IFI16: variants seen among roughly 807,000 people sequenced by gnomAD.
IFI16 encodes interferon gamma inducible protein 16, also known as gamma-interferon-inducible protein 16.
Under a neutral mutation model 68.4 loss-of-function variants are expected in IFI16, and 49 were observed. The observed-to-expected ratio is 0.72, with a 90% CI of 0.57 to 0.91. The LOEUF is 0.91. Among genes scored for constraint, IFI16 ranks in the 40% least tolerant of loss-of-function variants. IFI16 has a pLI of 0.00. For missense variants in IFI16, 878 were observed against 942.9 expected (o/e 0.93, Z 0.90); for synonymous variants, 307 against 315.0 (o/e 0.97, Z 0.27).
intron 6 of IFI16, among the ~76,000 whole-genome samples, chr1:159,025,101 C>T (rs1653572729): frequency 6.6e-6 from 1 of 151,772 alleles, no homozygotes; most frequent in South Asian, 2.1e-4. Context: ...ACTTTTAGTT[C>T]TGAGGGAAAA....
Position 159,020,425 on chromosome 1 carries a change from A to G in IFI16, c.1057A>G (p.Asn353Asp). 6.2e-7 allele frequency: 1 copy of G among 1,612,266 alleles called. No homozygotes were observed. ...TGTAGTGGGGACAGGACAATGTCAC[A>G]ATATCCCCTGTGAAGAAGGAGATAA... is the stretch of plus-strand genomic sequence containing the variant. ...MDVVGTGQCH[N>D]IPCEEGDKLQ... The change falls in exon 6 of 12, where the codon AAT becomes GAT. Residue 353 changes from asparagine (N) to aspartate (D), a missense_variant. Coordinates refer to ENST00000295809, the MANE Select transcript of IFI16 (RefSeq NM_001376587.1).
chr1:159,033,379 G>C (rs530486497), intron 7 of IFI16, among the ~76,000 whole-genome samples: 1 of 152,306 alleles, frequency 6.6e-6, no homozygotes, highest in South Asian at 2.1e-4. Flanking sequence ...AACAGGGTCA[G>C]CATAGCTCAG....
At chr1:159,052,249 C>T in intron 10 of IFI16, 151 bp downstream of exon 10, 3 of 615,854 alleles carry the variant, frequency 4.9e-6, no homozygotes, top group Non-Finnish European at 8.6e-6. Context: ...GAATAGAGTT[C>T]ATTTCAGGAT....
intron 7 of IFI16, among the ~76,000 whole-genome samples, chr1:159,037,225 T>C (rs1407734063): frequency 1.3e-5 from 2 of 152,164 alleles, no homozygotes; most frequent in African/African-American, 4.8e-5. Flanking sequence ...TCTGCAGCCA[T>C]AGGAATCATT....
At chr1:159,036,913 A>T (rs963968935) in intron 7 of IFI16, among the ~76,000 whole-genome samples, 28 of 152,076 alleles carry the variant, frequency 1.8e-4, no homozygotes, top group African/African-American at 6.3e-4. Context: ...AGAGTTCTCA[A>T]TTTTTCATGT....
At chr1:159,033,199 C>A (rs1271418527) in intron 7 of IFI16, among the ~76,000 whole-genome samples, 2 of 152,138 alleles carry the variant, frequency 1.3e-5, no homozygotes, top group Non-Finnish European at 2.9e-5. Flanking sequence ...TAAATGTTTT[C>A]CTCTGGCAAG....
At chr1:159,016,971 A>G (rs1652972783) in intron 4 of IFI16, among the ~76,000 whole-genome samples, 1 of 152,156 alleles carries the variant, frequency 6.6e-6, no homozygotes, top group African/African-American at 2.4e-5. Context: ...CTCACTGTCT[A>G]CTGCTCCCAT....
At position 159,053,715 on chromosome 1, in the gene IFI16, T is replaced by C. The variant is rs779088903; in HGVS notation, c.2268T>C (p.Ser756=). ...NTGELRSVIH[S]HIKVIKTRKN... is the part of the protein sequence containing the mutation. ...GGGAGTTGAGATCTGTAATTCATAG[T>C]CACATCAAGGTTGGAACTTTATAGG... The change falls in exon 11 of 12, where the codon AGT becomes AGC. Residue 756 remains serine (S), a synonymous_variant. Coordinates refer to ENST00000295809, the MANE Select transcript of IFI16 (RefSeq NM_001376587.1). The C allele has an allele frequency of 6.8e-5, 110 of 1,612,894 alleles. No homozygotes were observed. Among genetic ancestry groups the C allele is most frequent in the Non-Finnish European group, 9.1e-5 (107 of 1,179,300 alleles).
intron 1 of IFI16, among the ~76,000 whole-genome samples, chr1:159,000,559 G>A (rs1246732931): frequency 6.6e-6 from 1 of 152,074 alleles, no homozygotes; most frequent in Non-Finnish European, 1.5e-5. Context: ...TAGAAAATGG[G>A]ATCCATTTTC....
At chr1:159,016,383 T>C in intron 3 of IFI16, 150 bp from the exon 4 acceptor site, 1 of 640,232 alleles carries the variant, frequency 1.6e-6, no homozygotes, top group Non-Finnish European at 2.7e-6. Context: ...TCTATGCCCA[T>C]CTCTTAAACT....
At chr1:159,043,824 G>A (rs1367337626) in intron 7 of IFI16, among the ~76,000 whole-genome samples, 1 of 152,244 alleles carries the variant, frequency 6.6e-6, no homozygotes, top group African/African-American at 2.4e-5. Flanking sequence ...CATCCAAACT[G>A]GGCTATTGTG....
intron 1 of IFI16, among the ~76,000 whole-genome samples, chr1:159,012,818 A>C (rs2101801264): frequency 6.6e-6 from 1 of 152,370 alleles, no homozygotes; most frequent in Non-Finnish European, 1.5e-5. Context: ...AGGAAAGAAC[A>C]GGAAAGTTTG....
At chr1:159,036,386 T>C (rs1183627278) in intron 7 of IFI16, among the ~76,000 whole-genome samples, 5 of 152,200 alleles carry the variant, frequency 3.3e-5, no homozygotes, top group African/African-American at 9.6e-5. Flanking sequence ...CTTCCTTACA[T>C]CACCCAGATG....
Position 159,015,982 on chromosome 1 carries a change from G to A in IFI16, c.376G>A (p.Ala126Thr). Residue 126 changes from alanine to threonine, a missense_variant, in exon 3 of 12, where the codon GCT becomes ACT. Physicochemically the swap from Ala to Thr is moderately conservative, Grantham distance 58. This residue lies in a region of IFI16 where 443 missense variants were observed against 421.8 expected (regional missense o/e 1.05). Transcript: ENST00000295809. ...KTEGAEATPG[A>T]QKRKKSTKEK... is the part of the protein sequence containing the mutation. The stretch of plus-strand genomic sequence containing the variant: ...TGAAGGAGCAGAGGCAACTCCTGGA[G>A]CTCAGGTAAGCTTCAGGAAGAGGAG... 1 of 1,609,366 alleles carries A rather than the reference G, an allele frequency of 6.2e-7. No individual in the cohort carries two copies. Among genetic ancestry groups the A allele is most frequent in the Non-Finnish European group, 8.5e-7 (1 of 1,175,718 alleles).
chr1:159,029,490 TC>T (rs1047841515), intron 6 of IFI16, among the ~76,000 whole-genome samples: 7 of 152,160 alleles, frequency 4.6e-5, no homozygotes, highest in African/African-American at 1.4e-4. Flanking sequence ...TCCAGGGTGT[TC>T]CCCGGGTGTT....
chr1:159,018,563 T>C lies in IFI16; in HGVS notation c.884T>C (p.Ile295Thr). Residue 295 changes from isoleucine (I) to threonine (T), a missense_variant, in exon 5 of 12, where the codon ATC becomes ACC. Coordinates refer to ENST00000295809, the MANE Select transcript of IFI16 (RefSeq NM_001376587.1). Reference sequence around the variant, plus strand: ...ACGTTTGAGGTTCCAAATAAAATCATCAACAGAGCAAAGGAAACTCTGAAG... The same window carrying C: ...ACGTTTGAGGTTCCAAATAAAATCACCAACAGAGCAAAGGAAACTCTGAAG... ...NQTFEVPNKI[I>T]NRAKETLKID... is the part of the protein sequence containing the mutation. 1 of 1,613,828 alleles carries C rather than the reference T, an allele frequency of 6.2e-7. No homozygotes were observed. Among genetic ancestry groups the C allele is most frequent in the Admixed American group, 1.7e-5 (1 of 60,022 alleles).
At chr1:159,029,625 A>G (rs1653877968) in intron 6 of IFI16, among the ~76,000 whole-genome samples, 1 of 148,932 alleles carries the variant, frequency 6.7e-6, no homozygotes, top group African/African-American at 2.5e-5. Context: ...AACACCAGTT[A>G]TTCTTAGGTT....
intron 10 of IFI16, 92 bp downstream of exon 10, chr1:159,052,190 A>G: frequency 1.0e-6 from 1 of 999,548 alleles, no homozygotes; most frequent in Non-Finnish European, 1.5e-6. Flanking sequence ...CAACTTACTC[A>G]ACACAGAAAA....
At chr1:159,018,137 T>C (rs374335789) in intron 4 of IFI16, 92 bp from the exon 5 acceptor site, 1 of 1,044,022 alleles carries the variant, frequency 9.6e-7, no homozygotes, top group African/African-American at 1.6e-5. Flanking sequence ...GTGCAAGTTT[T>C]GGGGCCCTGT....
Sources: allele counts gnomAD v4.1 joint callset (sites outside exome capture counted in the v4.1 genomes callset), GRCh38; gene constraint gnomAD v4.1.1; regional missense constraint gnomAD v4.1.1; transcripts MANE v1.5; gene names NCBI Gene and HGNC (gene_info 2026-07-23, HGNC 2026-07-21).